THSD4: variants seen among roughly 807,000 people sequenced by gnomAD.
The protein encoded by THSD4 is thrombospondin type-1 domain-containing protein 4.
In THSD4, 69 loss-of-function variants were observed where a neutral mutation model predicts 119.0. The ratio of observed to expected loss-of-function variants is 0.58; its 90% CI spans 0.48 to 0.71. The LOEUF is 0.71. THSD4 is among the 30% of genes least tolerant of loss of function. The pLI is 0.00. For missense variants in THSD4, 1,393 were observed against 1,391.1 expected (o/e 1.00, Z -0.02); for synonymous variants, 524 against 540.4 (o/e 0.97, Z 0.42).
At chr15:71,724,280 TA>T (rs1284174601) in intron 8 of THSD4, among the ~76,000 whole-genome samples, 2,020 of 39,248 alleles carry the variant, frequency 0.051, 253 homozygotes, top group Admixed American at 0.24. Context: ...TATATATATA[TA>T]TATATATTTT....
intron 8 of THSD4, among the ~76,000 whole-genome samples, chr15:71,696,016 G>A (rs778493140): frequency 3.9e-5 from 6 of 152,062 alleles, no homozygotes; most frequent in Non-Finnish European, 8.8e-5. Context: ...GGATGTGCCT[G>A]GGGCACAGAG....
intron 6 of THSD4, among the ~76,000 whole-genome samples, chr15:71,269,287 G>A (rs2044501495): frequency 6.6e-6 from 1 of 152,138 alleles, no homozygotes; most frequent in Admixed American, 6.5e-5. Context: ...ATGCAAGGCT[G>A]GTTCAACATA....
Position 71,590,367 on chromosome 15 carries a change from A to T in THSD4, c.1153-70163A>T, listed in dbSNP as rs2049770415. Among the ~76,000 whole-genome samples the T allele has an allele frequency of 1.4e-5, 2 of 138,126 alleles. 1 individual carries two copies. The highest frequency in any genetic ancestry group is 5.1e-5 in the African/African-American group (2 of 39,578). The allele number at this position is 138,126 out of a possible 152,430, so 90.6% of individuals were successfully genotyped here. On this transcript the variant is annotated intron_variant, in intron 7 of 17. Coordinates refer to ENST00000261862, the MANE Select transcript of THSD4 (RefSeq NM_024817.3). ...AGGTTGATAGGAATAGGCCATTCTCATTATGCAGCCATAAAAAGGAACATG... is the reference window on the plus strand; with the variant it reads ...AGGTTGATAGGAATAGGCCATTCTCTTTATGCAGCCATAAAAAGGAACATG...
At position 71,737,370 on chromosome 15, in the gene THSD4, C is replaced by G. The variant is rs552706378; in HGVS notation, c.1631-362C>G. On this transcript the variant is annotated intron_variant, in intron 10 of 17. Transcript: ENST00000261862. Reference sequence around the variant, plus strand: ...GTTTAGGGATTTAAGGGTTTCCAAACTTTCCAATCTTTGGTGTTAGGTGGT... The same window carrying G: ...GTTTAGGGATTTAAGGGTTTCCAAAGTTTCCAATCTTTGGTGTTAGGTGGT... Among the ~76,000 whole-genome samples the G allele has an allele frequency of 9.2e-5, 14 of 152,306 alleles. No homozygotes were observed. In the East Asian group the frequency reaches 2.7e-3, roughly 29 times the overall value.
intron 3 of THSD4, among the ~76,000 whole-genome samples, chr15:71,214,160 A>ATAGCTAGAGGATTGTATATGCACC (rs1567159370): frequency 1.1e-4 from 16 of 144,702 alleles, no homozygotes; most frequent in African/African-American, 4.1e-4. Flanking sequence ...AGCACTCTGT[A>ATAGCTAGAGGATTGTATATGCACC]AAATGGACCG....
intron 2 of THSD4, among the ~76,000 whole-genome samples, chr15:71,153,430 C>T (rs2040745706): frequency 6.6e-6 from 1 of 152,190 alleles, no homozygotes; most frequent in Admixed American, 6.5e-5. Flanking sequence ...GCTCTGGATC[C>T]TCAGCTGCAA....
chr15:71,744,441 A>G (rs567104641), intron 11 of THSD4, among the ~76,000 whole-genome samples: 2 of 152,282 alleles, frequency 1.3e-5, no homozygotes, highest in Non-Finnish European at 2.9e-5. Flanking sequence ...CTGAAATACC[A>G]TTGGATGGGT....
intron 7 of THSD4, among the ~76,000 whole-genome samples, chr15:71,592,768 C>T (rs1384928569): frequency 6.6e-6 from 1 of 151,942 alleles, no homozygotes; most frequent in Non-Finnish European, 1.5e-5. Flanking sequence ...TATTGAGCAT[C>T]GAGGTGTTAC....
intron 6 of THSD4, among the ~76,000 whole-genome samples, chr15:71,338,924 A>G (rs1283305724): frequency 2.0e-5 from 3 of 152,102 alleles, no homozygotes; most frequent in Non-Finnish European, 4.4e-5. Context: ...GTCAGTGAAG[A>G]CCTGTCTGTC....
At chr15:71,720,672 T>G (rs907524194) in intron 8 of THSD4, among the ~76,000 whole-genome samples, 5 of 152,180 alleles carry the variant, frequency 3.3e-5, no homozygotes, top group Admixed American at 2.6e-4. Flanking sequence ...GCTAACACAT[T>G]CTGAGACCCA....
chr15:71,669,358 C>A (rs752520237), intron 8 of THSD4, among the ~76,000 whole-genome samples: 1 of 152,080 alleles, frequency 6.6e-6, no homozygotes, highest in Non-Finnish European at 1.5e-5. Context: ...AAAATATTAG[C>A]CTTTATCTTA....
At chr15:71,374,373 A>G (rs2046102649) in intron 6 of THSD4, among the ~76,000 whole-genome samples, 2 of 152,212 alleles carry the variant, frequency 1.3e-5, no homozygotes, top group Non-Finnish European at 1.5e-5. Context: ...AGAGCTGGAT[A>G]AGAGAGAGAT....
chr15:71,323,681 A>G (rs556375946), intron 6 of THSD4, among the ~76,000 whole-genome samples: 1 of 152,340 alleles, frequency 6.6e-6, no homozygotes, highest in African/African-American at 2.4e-5. Context: ...GCAAAAATCA[A>G]GGGCTGCCTA....
intron 8 of THSD4, among the ~76,000 whole-genome samples, chr15:71,696,721 C>G (rs1198436241): frequency 6.6e-6 from 1 of 152,140 alleles, no homozygotes; most frequent in African/African-American, 2.4e-5. Context: ...TTAAAAATAA[C>G]TTTAACTAAA....
At chr15:71,429,696 G>C (rs1178364410) in intron 7 of THSD4, among the ~76,000 whole-genome samples, 2 of 152,168 alleles carry the variant, frequency 1.3e-5, no homozygotes, top group African/African-American at 4.8e-5. Context: ...TCGTTTCTGA[G>C]CTCAGAGTTT....
intron 7 of THSD4, among the ~76,000 whole-genome samples, chr15:71,471,562 A>T (rs2047580866): frequency 6.6e-6 from 1 of 151,312 alleles, no homozygotes; most frequent in African/African-American, 2.4e-5. Context: ...ACTCAGTCAG[A>T]TGTTTGTCTT....
At chr15:71,249,427 TACACACAC>T (rs534944591) in intron 5 of THSD4, among the ~76,000 whole-genome samples, 2 of 148,560 alleles carry the variant, frequency 1.3e-5, no homozygotes, top group African/African-American at 2.5e-5. Flanking sequence ...TATATATATA[TACACACAC>T]ATTTATATAC....
At position 71,411,727 on chromosome 15, in the gene THSD4, G is replaced by A. The variant is rs751895589; in HGVS notation, c.1056G>A (p.Met352Ile). 1 of 1,614,110 alleles carries A rather than the reference G, an allele frequency of 6.2e-7. No individual in the cohort carries two copies. The highest frequency in any genetic ancestry group is 8.5e-7 in the Non-Finnish European group (1 of 1,180,004). ...NRKCELNCQAMGYRFYVRQAE... is the reference protein window; with the variant it reads ...NRKCELNCQAIGYRFYVRQAE... ...AATGTGAGTTGAACTGCCAGGCAAT[G>A]GGCTACCGCTTCTATGTACGGCAAG... The change falls in exon 7 of 18, where the codon ATG becomes ATA. Residue 352 changes from methionine to isoleucine, a missense_variant. Transcript: ENST00000261862.
Position 71,746,999 on chromosome 15 carries a change from T to C in THSD4, c.2198T>C (p.Leu733Pro). 1 of 1,613,114 alleles carries C rather than the reference T, an allele frequency of 6.2e-7. No homozygotes were observed. Among genetic ancestry groups the C allele is most frequent in the African/African-American group, 1.3e-5 (1 of 74,996 alleles). ...EKPETTSTCQ[L>P]KICSEWQIRT... ...CCTGAGACCACCAGCACCTGCCAACTCAAGATCTGCAGCGAGTGGCAGATC... is the reference window on the plus strand; with the variant it reads ...CCTGAGACCACCAGCACCTGCCAACCCAAGATCTGCAGCGAGTGGCAGATC... Residue 733 changes from leucine to proline, a missense_variant, in exon 13 of 18, where the codon CTC becomes CCC. Leu to Pro is a moderately conservative substitution (Grantham distance 98, BLOSUM62 -3). Transcript: ENST00000261862.
Sources: gnomAD v4.1 joint callset for allele counts (sites outside exome capture counted in the v4.1 genomes callset) on GRCh38, gnomAD v4.1.1 for gene constraint, MANE v1.5 for transcripts, NCBI Gene and HGNC (gene_info 2026-07-23, HGNC 2026-07-21) for gene names.